Variants in ELAPOR2 observed in about 807,000 individuals in gnomAD.
The protein encoded by ELAPOR2 is endosome-lysosome associated apoptosis and autophagy regulator family member 2, also known as endosome/lysosome-associated apoptosis and autophagy regulator family member 2.
A neutral mutation model predicts 120.7 loss-of-function variants in ELAPOR2; 89 were observed. The observed-to-expected ratio is 0.74, with a 90% CI of 0.62 to 0.88. The LOEUF (loss-of-function observed/expected upper bound fraction) is 0.88. Among genes scored for constraint, ELAPOR2 ranks in the 40% least tolerant of loss-of-function variants. ELAPOR2 has a pLI of 0.00. For synonymous variants in ELAPOR2, 444 were observed against 444.9 expected, an observed-to-expected ratio of 1.00 and a Z score of 0.03; for missense variants, 1,134 against 1,251.6, an observed-to-expected ratio of 0.91 and a Z score of 1.42.
intron 2 of ELAPOR2, among the ~76,000 whole-genome samples, chr7:86,957,099 T>C (rs1400576827): frequency 6.6e-6 from 1 of 152,218 alleles, no homozygotes; most frequent in Non-Finnish European, 1.5e-5. Flanking sequence ...ACCTAAAGTC[T>C]GATTTTCAGC....
intron 1 of ELAPOR2, among the ~76,000 whole-genome samples, chr7:87,017,272 A>G (rs948614953): frequency 2.6e-5 from 4 of 152,208 alleles, no homozygotes; most frequent in Non-Finnish European, 4.4e-5. Flanking sequence ...TACAGCAAAG[A>G]TTTTACTATC....
At chr7:86,992,511 C>T (rs1303667261) in intron 1 of ELAPOR2, among the ~76,000 whole-genome samples, 2 of 152,134 alleles carry the variant, frequency 1.3e-5, no homozygotes, top group African/African-American at 4.8e-5. Context: ...AAAAGAAATT[C>T]CTAAAACTGA....
chr7:86,951,588 G>A (rs1277194999), intron 2 of ELAPOR2, among the ~76,000 whole-genome samples: 1 of 152,134 alleles, frequency 6.6e-6, no homozygotes, highest in Admixed American at 6.5e-5. Flanking sequence ...TATATACCAG[G>A]TGCCATGCTT....
chr7:87,039,218 A>G (rs1794683081), intron 1 of ELAPOR2, among the ~76,000 whole-genome samples: 1 of 152,168 alleles, frequency 6.6e-6, no homozygotes, highest in Non-Finnish European at 1.5e-5. Flanking sequence ...ACCAGGAAGA[A>G]GTCCAAAACC....
At chr7:86,940,158 G>A in intron 5 of ELAPOR2, 43 bp from the exon 6 acceptor site, 1 of 1,264,046 alleles carries the variant, frequency 7.9e-7, no homozygotes, top group Non-Finnish European at 1.1e-6. Context: ...GATAAGCCAT[G>A]CCATTTCCAA....
At chr7:86,882,131 A>T (rs1353224712) in intron 21 of ELAPOR2, among the ~76,000 whole-genome samples, 1 of 152,170 alleles carries the variant, frequency 6.6e-6, no homozygotes, top group Non-Finnish European at 1.5e-5. Context: ...GCTCTGTGAG[A>T]ACTGGCCTGA....
chr7:86,926,136 A>G (rs757402948), intron 9 of ELAPOR2, among the ~76,000 whole-genome samples: 9 of 152,012 alleles, frequency 5.9e-5, no homozygotes, highest in Admixed American at 2.0e-4. Flanking sequence ...AATATTGACT[A>G]TGTTGAGAAT....
At position 87,000,296 on chromosome 7, in the gene ELAPOR2, T is replaced by G. The variant is rs140326438; in HGVS notation, c.190-35272A>C. ...CATAGCTGGCTATTTAGGAAAAGCC[T>G]TTCCCTGCTCTCAAACCATAGACTG... On this transcript the variant is annotated intron_variant, in intron 1 of 21. Coordinates refer to ENST00000450689, the MANE Select transcript of ELAPOR2 (RefSeq NM_001142749.3). Among the ~76,000 whole-genome samples the G allele has an allele frequency of 2.1e-4, 32 of 152,246 alleles. No homozygotes were observed. In the East Asian group the frequency reaches 4.6e-3, roughly 22 times the overall value.
intron 1 of ELAPOR2, among the ~76,000 whole-genome samples, chr7:87,007,129 A>G (rs1793508522): frequency 6.6e-6 from 1 of 152,218 alleles, no homozygotes; most frequent in East Asian, 1.9e-4. Context: ...GTCTTGACAC[A>G]GATATGTGCA....
At chr7:87,011,086 T>C (rs1361134521) in intron 1 of ELAPOR2, among the ~76,000 whole-genome samples, 1 of 151,212 alleles carries the variant, frequency 6.6e-6, no homozygotes, top group Non-Finnish European at 1.5e-5. Flanking sequence ...GCCAACATGG[T>C]GAAACCCCGT....
At chr7:86,920,034 C>A (rs888337804) in intron 10 of ELAPOR2, among the ~76,000 whole-genome samples, 1 of 152,076 alleles carries the variant, frequency 6.6e-6, no homozygotes, top group Non-Finnish European at 1.5e-5. Context: ...AATGGCAATA[C>A]CTCAGCATTG....
At chr7:87,034,473 A>C (rs1794518408) in intron 1 of ELAPOR2, among the ~76,000 whole-genome samples, 1 of 151,880 alleles carries the variant, frequency 6.6e-6, no homozygotes, top group Non-Finnish European at 1.5e-5. Context: ...AAAGGTGACA[A>C]ATGTAGAAAA....
At chr7:86,972,242 G>T (rs1035695948) in intron 1 of ELAPOR2, among the ~76,000 whole-genome samples, 3 of 152,062 alleles carry the variant, frequency 2.0e-5, no homozygotes, top group Non-Finnish European at 2.9e-5. Context: ...TGGTTGTATC[G>T]CTCATCAGAA....
chr7:86,939,145 G>A (rs1790695782), intron 6 of ELAPOR2, among the ~76,000 whole-genome samples, 185 bp from the exon 7 acceptor site: 1 of 152,064 alleles, frequency 6.6e-6, no homozygotes, highest in Non-Finnish European at 1.5e-5. Context: ...GCACAATCAA[G>A]TCAGCAAACA....
chr7:86,955,121 A>G (rs1392997997), intron 2 of ELAPOR2, among the ~76,000 whole-genome samples: 1 of 152,136 alleles, frequency 6.6e-6, no homozygotes, highest in Non-Finnish European at 1.5e-5. Context: ...TGAACAGCAT[A>G]TTGAATCCAG....
chr7:86,952,429 G>A (rs11979332), intron 2 of ELAPOR2, among the ~76,000 whole-genome samples: 32,098 of 152,064 alleles, frequency 0.21, 5,399 homozygotes, highest in African/African-American at 0.47. Flanking sequence ...TGGGGCCTCA[G>A]AGAAAATTCA....
At chr7:86,985,525 G>C (rs1005540967) in intron 1 of ELAPOR2, among the ~76,000 whole-genome samples, 1 of 152,156 alleles carries the variant, frequency 6.6e-6, no homozygotes, top group Non-Finnish European at 1.5e-5. Flanking sequence ...GGAATGCAAG[G>C]CTGGTTCAAC....
chr7:86,976,622 G>C (rs1792292327), intron 1 of ELAPOR2, among the ~76,000 whole-genome samples: 1 of 152,038 alleles, frequency 6.6e-6, no homozygotes, highest in African/African-American at 2.4e-5. Flanking sequence ...ACACTGGAAG[G>C]AACCACCACA....
rs1272988670 is a variant in ELAPOR2 at position 86,964,891 on chromosome 7, T to C, written c.310+13A>G. The stretch of plus-strand genomic sequence containing the variant: ...TAATCAAGAAAACAAATGGTCAAAA[T>C]GACAAAACATACTGCATTCTTTGCC... On this transcript the variant is annotated intron_variant, in intron 2 of 21. Coordinates refer to ENST00000450689, the MANE Select transcript of ELAPOR2 (RefSeq NM_001142749.3). The C allele has an allele frequency of 1.3e-6, 2 of 1,551,202 alleles. No individual in the cohort carries two copies. The highest frequency in any genetic ancestry group is 2.4e-5 in the South Asian group (2 of 84,022).
Sources: gnomAD v4.1 joint callset for allele counts (sites outside exome capture counted in the v4.1 genomes callset) on GRCh38, gnomAD v4.1.1 for gene constraint, MANE v1.5 for transcripts, NCBI Gene and HGNC (gene_info 2026-07-23, HGNC 2026-07-21) for gene names.